PARN: variants seen among roughly 807,000 people sequenced by gnomAD.
PARN encodes the protein poly(A)-specific ribonuclease PARN.
In PARN, 71 loss-of-function variants were observed where a neutral mutation model predicts 102.8. The observed-to-expected ratio is 0.69, with a 90% CI of 0.57 to 0.84. The LOEUF (loss-of-function observed/expected upper bound fraction) is 0.84. Among genes scored for constraint, PARN ranks in the 40% least tolerant of loss-of-function variants. PARN has a pLI of 0.00. For synonymous variants in PARN, 261 were observed against 252.9 expected (o/e 1.03, Z -0.30); for missense variants, 782 against 760.9 (o/e 1.03, Z -0.33).
intron 22 of PARN, among the ~76,000 whole-genome samples, chr16:14,473,573 A>T (rs961792670): frequency 1.3e-5 from 2 of 152,182 alleles, no homozygotes; most frequent in Non-Finnish European, 2.9e-5. Flanking sequence ...AACAACAGGA[A>T]ATTTCCCCAG....
At chr16:14,437,380 G>C (rs1019527220) in intron 23 of PARN, among the ~76,000 whole-genome samples, 6 of 152,212 alleles carry the variant, frequency 3.9e-5, no homozygotes, top group Admixed American at 6.5e-5. Context: ...GCCAACCAGT[G>C]GGGGTTCCAA....
chr16:14,567,289 G>T (rs988750556), intron 18 of PARN, among the ~76,000 whole-genome samples: 3 of 152,194 alleles, frequency 2.0e-5, no homozygotes, highest in African/African-American at 7.2e-5. Flanking sequence ...CTGGGAGGCT[G>T]GCTTGAAGCA....
At chr16:14,611,605 A>G (rs902066930) in intron 6 of PARN, among the ~76,000 whole-genome samples, 3 of 152,172 alleles carry the variant, frequency 2.0e-5, no homozygotes, top group Non-Finnish European at 4.4e-5. Context: ...CAATGGCACA[A>G]TATGAGCTCA....
intron 5 of PARN, among the ~76,000 whole-genome samples, chr16:14,622,753 G>C (rs1389704124): frequency 6.6e-6 from 1 of 152,122 alleles, no homozygotes; most frequent in Non-Finnish European, 1.5e-5. Flanking sequence ...TGATCCGCCC[G>C]ACTTGGCCTC....
At chr16:14,462,755 A>G (rs1242711462) in intron 22 of PARN, among the ~76,000 whole-genome samples, 1 of 152,252 alleles carries the variant, frequency 6.6e-6, no homozygotes, top group Admixed American at 6.5e-5. Flanking sequence ...GCAAAGACAC[A>G]AAAGACACTG....
At chr16:14,587,876 T>C (rs1380622826) in intron 13 of PARN, among the ~76,000 whole-genome samples, 1 of 152,234 alleles carries the variant, frequency 6.6e-6, no homozygotes, top group Non-Finnish European at 1.5e-5. Flanking sequence ...TCATTCCACT[T>C]AACGTTCATT....
chr16:14,563,257 G>A (rs1310430801), intron 18 of PARN, among the ~76,000 whole-genome samples: 1 of 152,214 alleles, frequency 6.6e-6, no homozygotes, highest in African/African-American at 2.4e-5. Flanking sequence ...GATGGCAGAG[G>A]AGGAGCGTGA....
At chr16:14,523,546 C>A (rs748655242) in intron 21 of PARN, among the ~76,000 whole-genome samples, 29 of 152,040 alleles carry the variant, frequency 1.9e-4, no homozygotes, top group Non-Finnish European at 3.8e-4. Flanking sequence ...TGCTTTCTGC[C>A]CCATTTCTCC....
chr16:14,547,466 G>A (rs1967025360), intron 21 of PARN, among the ~76,000 whole-genome samples: 1 of 151,644 alleles, frequency 6.6e-6, no homozygotes. Context: ...AGCACTTTGG[G>A]AACCCAAGGA....
intron 21 of PARN, chr16:14,501,436 A>G (rs1216441018): frequency 1.9e-5 from 1 of 52,728 alleles, no homozygotes; most frequent in South Asian, 5.0e-4. Flanking sequence ...AAGACTGTCC[A>G]AAAAAAAAAA....
At chr16:14,598,137 C>T (rs1260280757) in intron 12 of PARN, among the ~76,000 whole-genome samples, 7 of 151,130 alleles carry the variant, frequency 4.6e-5, no homozygotes, top group East Asian at 1.9e-4. Context: ...AGCGAGACTC[C>T]GGCTCAAAAA....
chr16:14,629,963 G>C (rs543850664), intron 1 of PARN, 144 bp downstream of exon 1: 49 of 754,172 alleles, frequency 6.5e-5, no homozygotes, highest in Admixed American at 5.7e-4. Context: ...AAGACCCCAA[G>C]AGGCGCACCG....
chr16:14,577,595 A>C (rs1969223099), intron 18 of PARN, among the ~76,000 whole-genome samples: 2 of 152,084 alleles, frequency 1.3e-5, no homozygotes, highest in Admixed American at 6.6e-5. Flanking sequence ...CACCTTCACA[A>C]AGTGGTGGGA....
At position 14,618,258 on chromosome 16, in the gene PARN, C is replaced by T. The variant is rs185382573; in HGVS notation, c.328-608G>A. The stretch of plus-strand genomic sequence containing the variant: ...ATCCCAGCACTTTGGGAGGCCAAGG[C>T]GGGTAGATCACGAGGTCGGGAGATC... On this transcript the variant is annotated intron_variant, in intron 5 of 23. Transcript: ENST00000437198. Among the ~76,000 whole-genome samples, 626 of 152,082 alleles carry T rather than the reference C, an allele frequency of 4.1e-3. 15 individuals carry two copies. The highest frequency in any genetic ancestry group is 0.037 in the Admixed American group (571 of 15,266).
chr16:14,540,837 G>A (rs1173721945), intron 21 of PARN, among the ~76,000 whole-genome samples: 7 of 151,978 alleles, frequency 4.6e-5, no homozygotes, highest in Non-Finnish European at 1.0e-4. Context: ...TGTAGTCCCA[G>A]CTACTCAGGA....
chr16:14,568,031 G>A (rs1968533594), intron 18 of PARN, among the ~76,000 whole-genome samples: 1 of 152,082 alleles, frequency 6.6e-6, no homozygotes, highest in African/African-American at 2.4e-5. Flanking sequence ...CAGAGAGACT[G>A]TCACCCAAGG....
At position 14,630,176 on chromosome 16, in the gene PARN, G is replaced by A. The variant is rs1036070188; in HGVS notation, c.-51C>T. 6 of 1,524,326 alleles carry A rather than the reference G, an allele frequency of 3.9e-6. No individual in the cohort carries two copies. Among genetic ancestry groups the A allele is most frequent in the African/African-American group, 2.8e-5 (2 of 72,396 alleles). 94.4% of individuals were successfully genotyped at this position (1,524,326 alleles called of 1,614,324 possible). On this transcript the variant is annotated 5_prime_UTR_variant, in exon 1 of 24. Transcript: ENST00000437198. ...CCCACCCGGGCCCGCGCCCGCCTCA[G>A]CGGTTCTACTCGCCGAATTCCGCGG...
At chr16:14,565,387 A>G in intron 18 of PARN, among the ~76,000 whole-genome samples, 1 of 151,938 alleles carries the variant, frequency 6.6e-6, no homozygotes, top group Non-Finnish European at 1.5e-5. Context: ...TCCTTTCTTA[A>G]ATACATACAC....
intron 22 of PARN, among the ~76,000 whole-genome samples, chr16:14,470,440 T>TGATG (rs1170896033): frequency 9.1e-5 from 9 of 98,804 alleles, no homozygotes; most frequent in African/African-American, 2.0e-4. Context: ...TTTGGATGAT[T>TGATG]ATTATTATTA....
Sources: gnomAD v4.1 joint callset for allele counts (sites outside exome capture counted in the v4.1 genomes callset) on GRCh38, gnomAD v4.1.1 for gene constraint, MANE v1.5 for transcripts, NCBI Gene and HGNC (gene_info 2026-07-23, HGNC 2026-07-21) for gene names.